Variants in TRPM3 observed in about 807,000 individuals in gnomAD.
TRPM3 encodes transient receptor potential cation channel subfamily M member 3, also known as long transient receptor potential channel 3.
Under a neutral mutation model 181.2 loss-of-function variants are expected in TRPM3, and 77 were observed. The ratio of observed to expected loss-of-function variants is 0.42; its 90% CI spans 0.35 to 0.51. The LOEUF is 0.51. Ranked by LOEUF, TRPM3 falls within the 20% of genes least tolerant of loss-of-function variation. The pLI, the probability that TRPM3 is intolerant of heterozygous loss-of-function variation, is 0.01. For synonymous variants in TRPM3, 745 were observed against 796.4 expected (o/e 0.94, Z 1.09); for missense variants, 1,759 against 2,196.7 (o/e 0.80, Z 3.98).
chr9:71,446,081 C>T (rs1353411712), intron 1 of TRPM3, among the ~76,000 whole-genome samples: 1 of 152,188 alleles, frequency 6.6e-6, no homozygotes, highest in Non-Finnish European at 1.5e-5. Flanking sequence ...GAAAACTTGT[C>T]TGAACGCTGT....
At chr9:71,215,035 AAAAAAAAAAAAC>A (rs1565349534) in intron 1 of TRPM3, among the ~76,000 whole-genome samples, 2 of 30,814 alleles carry the variant, frequency 6.5e-5, no homozygotes, top group South Asian at 3.0e-3. Flanking sequence ...CCAAAAAACA[AAAAAAAAAAAAC>A]AAAAAAAAAA....
At chr9:71,399,719 G>A (rs954053609) in intron 1 of TRPM3, among the ~76,000 whole-genome samples, 7 of 151,808 alleles carry the variant, frequency 4.6e-5, no homozygotes, top group Middle Eastern at 6.8e-3. Flanking sequence ...TTTTAGTAGC[G>A]ACAAGGTTTC....
intron 1 of TRPM3, among the ~76,000 whole-genome samples, chr9:71,143,566 C>A (rs2075246034): frequency 6.6e-6 from 1 of 152,092 alleles, no homozygotes; most frequent in African/African-American, 2.4e-5. Flanking sequence ...ATATGTGCCA[C>A]ATTTTCTTTA....
intron 14 of TRPM3, among the ~76,000 whole-genome samples, chr9:70,622,676 C>T (rs910280088): frequency 2.6e-5 from 4 of 152,202 alleles, no homozygotes; most frequent in Admixed American, 6.5e-5. Context: ...GGAGGTAATA[C>T]AAAATTACAT....
intron 1 of TRPM3, among the ~76,000 whole-genome samples, chr9:71,373,360 A>T (rs954994152): frequency 5.9e-5 from 9 of 152,062 alleles, no homozygotes; most frequent in African/African-American, 2.2e-4. Context: ...GAAAAAAATT[A>T]CAAAACAGAC....
chr9:71,152,254 T>G (rs1471187119), intron 1 of TRPM3, among the ~76,000 whole-genome samples: 1 of 152,156 alleles, frequency 6.6e-6, no homozygotes, highest in Non-Finnish European at 1.5e-5. Flanking sequence ...TCAAGGCCAC[T>G]GTTAAAAACC....
chr9:70,594,475 A>T (rs1255654105), intron 21 of TRPM3, among the ~76,000 whole-genome samples: 2 of 152,192 alleles, frequency 1.3e-5, no homozygotes, highest in Admixed American at 6.5e-5. Context: ...GCACACAGCA[A>T]ATGATAGCTA....
chr9:70,844,645 C>T (rs2094874431), intron 4 of TRPM3, among the ~76,000 whole-genome samples: 1 of 152,224 alleles, frequency 6.6e-6, no homozygotes, highest in African/African-American at 2.4e-5. Flanking sequence ...CTAACTTTAA[C>T]ATTTTATTGT....
At chr9:71,336,266 T>C (rs2090549782) in intron 1 of TRPM3, among the ~76,000 whole-genome samples, 2 of 150,350 alleles carry the variant, frequency 1.3e-5, no homozygotes, top group South Asian at 2.1e-4. Flanking sequence ...AGTCTCAGGA[T>C]ACAAAACCAA....
intron 3 of TRPM3, among the ~76,000 whole-genome samples, chr9:70,856,683 A>G (rs1285322680): frequency 6.6e-6 from 1 of 152,068 alleles, no homozygotes; most frequent in Non-Finnish European, 1.5e-5. Flanking sequence ...GGCTCTATAT[A>G]GTTAGAGCTT....
At chr9:70,925,538 AT>A (rs1024621053) in intron 1 of TRPM3, among the ~76,000 whole-genome samples, 9 of 150,164 alleles carry the variant, frequency 6.0e-5, no homozygotes, top group South Asian at 2.1e-4. Flanking sequence ...ATGGAAAAAA[AT>A]ATATATATAT....
At chr9:71,113,258 G>A (rs546472027) in intron 1 of TRPM3, among the ~76,000 whole-genome samples, 1 of 152,116 alleles carries the variant, frequency 6.6e-6, no homozygotes, top group African/African-American at 2.4e-5. Context: ...TAGACAGAAG[G>A]GGGTGGAACA....
rs138066156 is a variant in TRPM3 at position 71,067,011 on chromosome 9, G to A, written c.177+54167C>T. Reference sequence around the variant, plus strand: ...CTATTGATTTTAGGGTTAGTGCCACGGTACCACATTTCAACCCATGAAGGC... The same window carrying A: ...CTATTGATTTTAGGGTTAGTGCCACAGTACCACATTTCAACCCATGAAGGC... On this transcript the variant is annotated intron_variant, in intron 1 of 25. Coordinates refer to ENST00000677713, the MANE Select transcript of TRPM3 (RefSeq NM_001366145.2). Among the ~76,000 whole-genome samples the A allele has an allele frequency of 8.1e-4, 123 of 152,150 alleles. 1 individual carries two copies. Among genetic ancestry groups the A allele is most frequent in the African/African-American group, 2.3e-3 (96 of 41,502 alleles).
chr9:70,550,491 G>A (rs951949312), intron 24 of TRPM3, among the ~76,000 whole-genome samples: 3 of 152,248 alleles, frequency 2.0e-5, no homozygotes, highest in Non-Finnish European at 4.4e-5. Flanking sequence ...TTATTTATTT[G>A]CATTATTGTT....
chr9:71,232,518 T>TTTTTG (rs2081121784), intron 1 of TRPM3, among the ~76,000 whole-genome samples: 1 of 120,478 alleles, frequency 8.3e-6, no homozygotes, highest in Admixed American at 9.0e-5. Context: ...TTTTTTTTTT[T>TTTTTG]GAGACAGGGT....
At chr9:70,949,043 A>G (rs149846137) in intron 1 of TRPM3, among the ~76,000 whole-genome samples, 1 of 152,204 alleles carries the variant, frequency 6.6e-6, no homozygotes, top group African/African-American at 2.4e-5. Flanking sequence ...TCATTCAATT[A>G]GTATTTAAAT....
chr9:70,695,544 GCA>G (rs2070103297), intron 8 of TRPM3, among the ~76,000 whole-genome samples: 2 of 152,098 alleles, frequency 1.3e-5, no homozygotes, highest in South Asian at 4.1e-4. Context: ...GTGCTCTGAG[GCA>G]CAGTTATCTT....
chr9:71,348,607 T>C (rs1314750320), intron 1 of TRPM3, among the ~76,000 whole-genome samples: 1 of 151,990 alleles, frequency 6.6e-6, no homozygotes, highest in Non-Finnish European at 1.5e-5. Flanking sequence ...TCTCATTCTG[T>C]CACCTAGGCT....
Position 71,226,234 on chromosome 9 carries a change from C to T in TRPM3, c.183+220419G>A, listed in dbSNP as rs187103007. 8.6e-5 allele frequency among the ~76,000 whole-genome samples: 13 copies of T among 151,632 alleles called. No homozygotes were observed. The East Asian group carries it at 2.5e-3, about 29-fold the overall frequency. ...ATTAAAACTTATCACCAGAGAAAAT[C>T]ACCTTCATTAAAAGGAAGATGGAAA... On this transcript the variant is annotated intron_variant, in intron 1 of 24. Coordinates refer to the TRPM3 transcript ENST00000357533.
Sources: gnomAD v4.1 joint callset for allele counts (sites outside exome capture counted in the v4.1 genomes callset) on GRCh38, gnomAD v4.1.1 for gene constraint, MANE v1.5 for transcripts, NCBI Gene and HGNC (gene_info 2026-07-23, HGNC 2026-07-21) for gene names.